The following DNAAF19 variants were observed in gnomAD, a reference collection of about 807,000 sequenced individuals.
The protein encoded by DNAAF19 is coiled-coil domain containing 103.
At chr17:44,904,363 T>C in the DNAAF19 span, 1 of 1,544,436 alleles carries the variant, frequency 6.5e-7, no homozygotes, top group Non-Finnish European at 8.8e-7. Context: ...GGACCCCCTG[T>C]GACCGCTGCG....
At chr17:44,902,250 T>C in the DNAAF19 span, 30 of 1,406,810 alleles carry the variant, frequency 2.1e-5, no homozygotes, top group Non-Finnish European at 2.9e-5. Context: ...TTCCCAGTGC[T>C]CAGACAGTAG....
At chr17:44,905,110 G>A in the DNAAF19 span, 2 of 1,452,528 alleles carry the variant, frequency 1.4e-6, no homozygotes, top group Non-Finnish European at 9.3e-7. Flanking sequence ...GTCCTTCAAT[G>A]TGTTTGTTAA....
chr17:44,904,694 T>C, the DNAAF19 span: 1 of 1,550,576 alleles, frequency 6.4e-7, no homozygotes, highest in Non-Finnish European at 8.7e-7. Context: ...CATCATCTCC[T>C]GTCCTGGGGC....
chr17:44,902,341 C>G, the DNAAF19 span: 1 of 1,614,104 alleles, frequency 6.2e-7, no homozygotes, highest in Non-Finnish European at 8.5e-7. Flanking sequence ...GCTCCTGACT[C>G]CCTTTCCTTC....
At chr17:44,902,867 T>C in the DNAAF19 span, 5 of 1,468,348 alleles carry the variant, frequency 3.4e-6, no homozygotes, top group Non-Finnish European at 4.5e-6. Context: ...GGCAGTTTTT[T>C]GGTTGTTGTC....
chr17:44,902,340 T>C, the DNAAF19 span: 1 of 1,614,004 alleles, frequency 6.2e-7, no homozygotes, highest in Non-Finnish European at 8.5e-7. Flanking sequence ...AGCTCCTGAC[T>C]CCCTTTCCTT....
chr17:44,900,407 C>T, the DNAAF19 span, among the ~76,000 whole-genome samples: 43 of 152,228 alleles, frequency 2.8e-4, no homozygotes, highest in African/African-American at 9.9e-4. Flanking sequence ...GACCTCTGTT[C>T]CAGCCCTGGG....
the DNAAF19 span, chr17:44,903,565 A>G: frequency 1.1e-5 from 15 of 1,383,252 alleles, no homozygotes; most frequent in Non-Finnish European, 1.4e-5. Context: ...GTGTTCTAGA[A>G]AGGGGAGTAA....
chr17:44,902,337 G>A, the DNAAF19 span: 1 of 1,614,048 alleles, frequency 6.2e-7, no homozygotes, highest in South Asian at 1.1e-5. Flanking sequence ...AAGAGCTCCT[G>A]ACTCCCTTTC....
At chr17:44,901,571 G>A in the DNAAF19 span, 1 of 1,614,112 alleles carries the variant, frequency 6.2e-7, no homozygotes, top group Non-Finnish European at 8.5e-7. Flanking sequence ...AGGATAAGAT[G>A]GGAGGAAAGA....
At chr17:44,904,410 AC>A in the DNAAF19 span, 1 of 1,542,510 alleles carries the variant, frequency 6.5e-7, no homozygotes, top group Non-Finnish European at 8.8e-7. Context: ...GGCCTCTGCT[AC>A]CTGCAGAGCC....
chr17:44,904,611 C>G, the DNAAF19 span: 3 of 1,550,456 alleles, frequency 1.9e-6, no homozygotes. Context: ...AACTATGTGT[C>G]CAAAGTGGGC....
chr17:44,902,942 C>T, the DNAAF19 span: 1 of 1,434,300 alleles, frequency 7.0e-7, no homozygotes, highest in Non-Finnish European at 9.1e-7. Context: ...TTGGAATTTT[C>T]AGAGCAAAAA....
the DNAAF19 span, chr17:44,904,073 T>C: frequency 1.3e-6 from 2 of 1,550,638 alleles, no homozygotes; most frequent in Non-Finnish European, 1.7e-6. Flanking sequence ...GCTGACGGAC[T>C]TTGATGGGCG....
the DNAAF19 span, chr17:44,903,692 C>A: frequency 4.9e-6 from 7 of 1,437,834 alleles, no homozygotes; most frequent in Non-Finnish European, 6.4e-6. Context: ...GCTTCCTCTG[C>A]AGATTGTTGC....
the DNAAF19 span, chr17:44,903,516 C>T: frequency 1.6e-6 from 2 of 1,284,974 alleles, no homozygotes; most frequent in Non-Finnish European, 2.0e-6. Flanking sequence ...CCGCCCTTCT[C>T]ATTCCGGTTT....
At chr17:44,901,408 A>C in the DNAAF19 span, 1 of 1,265,804 alleles carries the variant, frequency 7.9e-7, no homozygotes, top group Non-Finnish European at 1.1e-6. Context: ...TGTTATTATT[A>C]TGGTCATATT....
chr17:44,905,182 C>G, the DNAAF19 span: 1 of 819,690 alleles, frequency 1.2e-6, no homozygotes, highest in Non-Finnish European at 1.9e-6. Context: ...AACATGTGGA[C>G]AAATCTGTTA....
the DNAAF19 span, chr17:44,902,304 T>G: frequency 6.2e-7 from 1 of 1,606,346 alleles, no homozygotes; most frequent in East Asian, 2.2e-5. Context: ...CTCCCCTCCC[T>G]GTCACTGTTG....
Sources: allele counts gnomAD v4.1 joint callset (sites outside exome capture counted in the v4.1 genomes callset), GRCh38; gene constraint gnomAD v4.1.1; transcripts MANE v1.5; gene names NCBI Gene and HGNC (gene_info 2026-07-23, HGNC 2026-07-21).